Variants in TAS2R1 observed in about 807,000 individuals in gnomAD.
TAS2R1 encodes the protein taste receptor type 2 member 1.
For missense variants in TAS2R1, 370 were observed against 353.4 expected, an observed-to-expected ratio of 1.05 and a Z score of -0.38; for synonymous variants, 141 against 134.2, an observed-to-expected ratio of 1.05 and a Z score of -0.35.
In TAS2R1 at chr5:9,628,667, T is replaced by A. The variant is rs1365281210; in HGVS notation, c.*466A>T. On this transcript the variant is annotated 3_prime_UTR_variant, in exon 1 of 1. Coordinates refer to ENST00000382492, the MANE Select transcript of TAS2R1 (RefSeq NM_019599.3). ...GACAAGAAATGAACAGTCAGCCCGT[T>A]AAGGTCAGGAAAAACCATCAAAGAC... 3.3e-5 allele frequency among the ~76,000 whole-genome samples: 5 copies of A among 152,232 alleles called. No homozygotes were observed. Among genetic ancestry groups the A allele is most frequent in the African/African-American group, 1.2e-4 (5 of 41,464 alleles).
At chr5:9,641,008 G>T (rs909180771) in intron 2 of TAS2R1, among the ~76,000 whole-genome samples, 2 of 151,940 alleles carry the variant, frequency 1.3e-5, no homozygotes, top group Admixed American at 1.3e-4. Context: ...CGTGGTGTGC[G>T]CCTTCAGCAA....
At chr5:9,882,935 T>C in the TAS2R1 span, among the ~76,000 whole-genome samples, 1 of 152,240 alleles carries the variant, frequency 6.6e-6, no homozygotes, top group Admixed American at 6.5e-5. Flanking sequence ...CATATGTTCA[T>C]TGCAGCACTA....
At chr5:9,848,416 T>C in the TAS2R1 span, among the ~76,000 whole-genome samples, 2 of 152,198 alleles carry the variant, frequency 1.3e-5, no homozygotes, top group African/African-American at 4.8e-5. Context: ...CGGGTCTCCT[T>C]ATGTCAAGTT....
chr5:9,693,047 CT>C (rs1167342987), intron 1 of TAS2R1, among the ~76,000 whole-genome samples: 5 of 152,136 alleles, frequency 3.3e-5, no homozygotes, highest in African/African-American at 1.2e-4. Flanking sequence ...CTTTCAAGGG[CT>C]ACTCCTCATC....
the TAS2R1 span, among the ~76,000 whole-genome samples, chr5:9,839,371 A>G: frequency 1.3e-5 from 2 of 152,264 alleles, no homozygotes; most frequent in Admixed American, 1.3e-4. Flanking sequence ...ATCCTGTTGT[A>G]CAACAAAATA....
At chr5:9,642,775 T>A (rs1470769588) in intron 2 of TAS2R1, among the ~76,000 whole-genome samples, 1 of 152,186 alleles carries the variant, frequency 6.6e-6, no homozygotes, top group Non-Finnish European at 1.5e-5. Context: ...CATAAAGAAC[T>A]CAAAGTGCTT....
chr5:9,873,873 A>AT, the TAS2R1 span, among the ~76,000 whole-genome samples: 1 of 69,988 alleles, frequency 1.4e-5, no homozygotes, highest in South Asian at 6.5e-4. Context: ...TGTCTCGGGG[A>AT]AAAAAAAAAA....
chr5:9,848,999 C>T, the TAS2R1 span, among the ~76,000 whole-genome samples: 7 of 152,196 alleles, frequency 4.6e-5, no homozygotes, highest in Non-Finnish European at 1.0e-4. Flanking sequence ...GAGAAGAATA[C>T]GTTTCCTTGC....
At chr5:9,734,507 G>T in the TAS2R1 span, among the ~76,000 whole-genome samples, 70,295 of 151,836 alleles carry the variant, frequency 0.46, 17,411 homozygotes, top group African/African-American at 0.65. Flanking sequence ...TGTACAAGAG[G>T]TTTTTTTGCC....
chr5:9,683,600 A>G (rs1295579940), intron 1 of TAS2R1, among the ~76,000 whole-genome samples: 1 of 152,224 alleles, frequency 6.6e-6, no homozygotes, highest in Non-Finnish European at 1.5e-5. Context: ...ATGCATGGCC[A>G]TACACCTCTA....
chr5:9,896,205 A>C, the TAS2R1 span, among the ~76,000 whole-genome samples: 1 of 152,188 alleles, frequency 6.6e-6, no homozygotes, highest in African/African-American at 2.4e-5. Flanking sequence ...ACCACAAAAC[A>C]CAGAGAACTG....
intron 1 of TAS2R1, among the ~76,000 whole-genome samples, chr5:9,708,401 C>T (rs1741666088): frequency 6.6e-6 from 1 of 152,162 alleles, no homozygotes; most frequent in African/African-American, 2.4e-5. Flanking sequence ...CCATTTTCTT[C>T]AAGGGCCATT....
the TAS2R1 span, among the ~76,000 whole-genome samples, chr5:9,890,512 T>C: frequency 6.6e-6 from 1 of 152,172 alleles, no homozygotes; most frequent in Non-Finnish European, 1.5e-5. Context: ...ATTATATATA[T>C]CATTGTAGGG....
At chr5:9,721,976 G>A in the TAS2R1 span, among the ~76,000 whole-genome samples, 3 of 152,178 alleles carry the variant, frequency 2.0e-5, no homozygotes, top group Non-Finnish European at 4.4e-5. Context: ...CCTCCTTATA[G>A]GTGGCCAGAC....
chr5:9,632,616 CATTTCA>C (rs1739890638), upstream of TAS2R1, among the ~76,000 whole-genome samples: 1 of 152,208 alleles, frequency 6.6e-6, no homozygotes, highest in Non-Finnish European at 1.5e-5. Context: ...CCTTTGTTGT[CATTTCA>C]ACAATGTTCA....
chr5:9,699,558 AT>A (rs1000884785), intron 1 of TAS2R1, among the ~76,000 whole-genome samples: 44 of 150,386 alleles, frequency 2.9e-4, no homozygotes, highest in African/African-American at 7.6e-4. Context: ...GGATTCTGTG[AT>A]TTTTTTTTTC....
chr5:9,737,593 C>G, the TAS2R1 span, among the ~76,000 whole-genome samples: 1,339 of 152,232 alleles, frequency 8.8e-3, 20 homozygotes, highest in African/African-American at 0.03. Flanking sequence ...ATGAGCCCAG[C>G]CTGCCAGGTC....
rs899703390 is a variant in TAS2R1 at position 9,661,468 on chromosome 5, G to A, written c.-241-1887C>T. 3.9e-5 allele frequency among the ~76,000 whole-genome samples: 6 copies of A among 152,228 alleles called. No homozygotes were observed. In the East Asian group the frequency reaches 7.7e-4, roughly 20 times the overall value. ...GGTGGTTTCAATCACGTCTGGCACC[G>A]ACTGAAAAAATGTATTCTGGAATGC... On this transcript the variant is annotated intron_variant, in intron 1 of 2. Transcript: ENST00000506620.
intron 2 of TAS2R1, among the ~76,000 whole-genome samples, chr5:9,635,506 G>A (rs1739946930): frequency 6.6e-6 from 1 of 151,858 alleles, no homozygotes; most frequent in Non-Finnish European, 1.5e-5. Flanking sequence ...TTTTGGAATA[G>A]TTTTAGTTAA....
Sources: gnomAD v4.1 joint callset for allele counts (sites outside exome capture counted in the v4.1 genomes callset) on GRCh38, gnomAD v4.1.1 for gene constraint, MANE v1.5 for transcripts, NCBI Gene and HGNC (gene_info 2026-07-23, HGNC 2026-07-21) for gene names.